SENP7: variants seen among roughly 807,000 people sequenced by gnomAD.
SENP7 encodes SUMO specific peptidase 7, also known as sentrin-specific protease 7.
SENP7 carries 64 observed loss-of-function variants against 141.2 expected under a neutral mutation model. The ratio of observed to expected loss-of-function variants is 0.45; its 90% CI spans 0.37 to 0.56. The LOEUF (loss-of-function observed/expected upper bound fraction) is 0.56. SENP7 is among the 20% of genes least tolerant of loss of function. The probability of loss-of-function intolerance (pLI) is 0.00; values close to 1 mark genes in which losing one functional copy is unlikely to be tolerated. For synonymous variants in SENP7, 382 were observed against 426.4 expected (o/e 0.90, Z 1.28); for missense variants, 1,025 against 1,212.2 (o/e 0.85, Z 2.29).
At chr3:101,391,790 G>C (rs1293137127) in intron 6 of SENP7, among the ~76,000 whole-genome samples, 1 of 152,040 alleles carries the variant, frequency 6.6e-6, no homozygotes, top group African/African-American at 2.4e-5. Flanking sequence ...GAGAAAAAAA[G>C]TTCAGGCCAA....
intron 11 of SENP7, chr3:101,357,398 G>A (rs953529017): frequency 1.2e-5 from 9 of 731,200 alleles, no homozygotes; most frequent in Non-Finnish European, 1.9e-5. Context: ...CTCTAAGCCA[G>A]ACCTGATGAC....
rs2063228765 is a variant in SENP7 at position 101,453,508 on chromosome 3, C to T, written c.284+5447G>A. ...TAGACTGGATGAAGAAAATGTGGCACATATACACCATGGAATACTATGCAG... is the reference window on the plus strand; with the variant it reads ...TAGACTGGATGAAGAAAATGTGGCATATATACACCATGGAATACTATGCAG... On this transcript the variant is annotated intron_variant, in intron 4 of 23. Coordinates refer to ENST00000394095, the MANE Select transcript of SENP7 (RefSeq NM_020654.5). Among the ~76,000 whole-genome samples the T allele has an allele frequency of 2.6e-5, 4 of 152,146 alleles. No homozygotes were observed. The South Asian group carries it at 8.3e-4, about 32-fold the overall frequency.
intron 3 of SENP7, among the ~76,000 whole-genome samples, chr3:101,488,409 G>T (rs2064818650): frequency 1.3e-5 from 2 of 152,168 alleles, no homozygotes; most frequent in South Asian, 2.1e-4. Context: ...TCAGTGGAGG[G>T]ATAATTTATG....
At chr3:101,366,102 C>T (rs1363852936) in intron 9 of SENP7, among the ~76,000 whole-genome samples, 1 of 152,192 alleles carries the variant, frequency 6.6e-6, no homozygotes, top group Non-Finnish European at 1.5e-5. Flanking sequence ...TCAGATAGCA[C>T]TTAAACTCTG....
chr3:101,387,089 C>T (rs886348185), intron 6 of SENP7, among the ~76,000 whole-genome samples: 2 of 152,108 alleles, frequency 1.3e-5, no homozygotes, highest in Non-Finnish European at 2.9e-5. Context: ...GCCACCATCA[C>T]CAGGGCCTGA....
At chr3:101,484,025 TA>T (rs905848248) in intron 3 of SENP7, among the ~76,000 whole-genome samples, 25 of 147,602 alleles carry the variant, frequency 1.7e-4, no homozygotes, top group East Asian at 1.2e-3. Context: ...AGACTCTGTC[TA>T]AAAAAAAAAA....
intron 4 of SENP7, among the ~76,000 whole-genome samples, chr3:101,423,676 G>A (rs745715052): frequency 6.6e-6 from 1 of 152,146 alleles, no homozygotes; most frequent in African/African-American, 2.4e-5. Context: ...CAGAGGGAAG[G>A]CACAGAGACT....
rs553144753 is a variant in SENP7, at chr3:101,346,570, T to C, written c.1837+1302A>G. ...GTACATATATATGATGGAATACTAC[T>C]CAGCCATAAAAAGGAATGAATTAAT... is the stretch of plus-strand genomic sequence containing the variant. On this transcript the variant is annotated intron_variant, in intron 13 of 23. Coordinates refer to ENST00000394095, the MANE Select transcript of SENP7 (RefSeq NM_020654.5). Among the ~76,000 whole-genome samples, 20 of 152,302 alleles carry C rather than the reference T, an allele frequency of 1.3e-4. No homozygotes were observed. The South Asian group carries it at 3.9e-3, about 30-fold the overall frequency.
At chr3:101,344,193 T>C in intron 13 of SENP7, among the ~76,000 whole-genome samples, 1 of 152,236 alleles carries the variant, frequency 6.6e-6, no homozygotes, top group Admixed American at 6.5e-5. Flanking sequence ...TACTGATTGC[T>C]ATATCTGCAG....
At chr3:101,425,177 C>T (rs1465124683) in intron 4 of SENP7, among the ~76,000 whole-genome samples, 4 of 152,198 alleles carry the variant, frequency 2.6e-5, no homozygotes, top group Non-Finnish European at 5.9e-5. Flanking sequence ...ACTACCACTG[C>T]TGCTGGCACA....
chr3:101,490,185 CA>C (rs1240994247), intron 3 of SENP7, among the ~76,000 whole-genome samples: 2 of 75,012 alleles, frequency 2.7e-5, no homozygotes, highest in Admixed American at 1.5e-4. Context: ...AACTCCGTCT[CA>C]AAAAAAAAAC....
At chr3:101,498,149 A>G (rs1166668280) in intron 2 of SENP7, among the ~76,000 whole-genome samples, 1 of 152,200 alleles carries the variant, frequency 6.6e-6, no homozygotes, top group Non-Finnish European at 1.5e-5. Flanking sequence ...AAAAGAGAAA[A>G]CCACCAAAAT....
In SENP7 at chr3:101,476,291, G is replaced by A. The variant is rs781285455; in HGVS notation, c.187-17239C>T. ...AAGGCCCCAGTGTGTGATGTTCCCC[G>A]CCCTGTGTCCATGTGCTCTCATTGT... On this transcript the variant is annotated intron_variant, in intron 3 of 23. Coordinates refer to ENST00000394095, the MANE Select transcript of SENP7 (RefSeq NM_020654.5). 9.0e-5 allele frequency among the ~76,000 whole-genome samples: 12 copies of A among 132,836 alleles called. No homozygotes were observed. The South Asian group carries it at 1.3e-3, about 14-fold the overall frequency. The allele number at this position is 132,836 out of a possible 152,430, so 87.1% of individuals were successfully genotyped here.
intron 6 of SENP7, among the ~76,000 whole-genome samples, chr3:101,386,323 G>T (rs955126715): frequency 4.6e-5 from 7 of 152,172 alleles, no homozygotes; most frequent in Non-Finnish European, 8.8e-5. Flanking sequence ...ATGTTCCACT[G>T]AAGACTCTTG....
intron 6 of SENP7, among the ~76,000 whole-genome samples, chr3:101,378,805 G>GA (rs1576155961): frequency 6.6e-6 from 1 of 151,894 alleles, no homozygotes; most frequent in Admixed American, 6.6e-5. Flanking sequence ...ATAAAATCCA[G>GA]AAAAAAATAA....
At chr3:101,502,275 A>T (rs140343531) in intron 1 of SENP7, among the ~76,000 whole-genome samples, 104 of 152,206 alleles carry the variant, frequency 6.8e-4, no homozygotes, top group African/African-American at 2.4e-3. Flanking sequence ...AAAATAAAGA[A>T]CCACACTGGA....
chr3:101,357,795 T>C (rs1444593494), intron 11 of SENP7: 2 of 608,490 alleles, frequency 3.3e-6, no homozygotes, highest in Non-Finnish European at 6.1e-6. Flanking sequence ...TTTTAACCAG[T>C]CCTCAACCCT....
chr3:101,342,456 C>G (rs1431330664), intron 14 of SENP7, among the ~76,000 whole-genome samples: 1 of 152,136 alleles, frequency 6.6e-6, no homozygotes, highest in Non-Finnish European at 1.5e-5. Flanking sequence ...TAATTTTAGA[C>G]TTACAAAAGA....
chr3:101,378,660 T>G (rs2060407672), intron 6 of SENP7, among the ~76,000 whole-genome samples: 1 of 151,836 alleles, frequency 6.6e-6, no homozygotes, highest in Non-Finnish European at 1.5e-5. Flanking sequence ...GCATGAGAAT[T>G]TCCCCAAATT....
Sources: allele counts gnomAD v4.1 joint callset (sites outside exome capture counted in the v4.1 genomes callset), GRCh38; gene constraint gnomAD v4.1.1; transcripts MANE v1.5; gene names NCBI Gene and HGNC (gene_info 2026-07-23, HGNC 2026-07-21).